MYO7B: variants seen among roughly 807,000 people sequenced by gnomAD.
The protein encoded by MYO7B is myosin VIIB, also known as unconventional myosin-VIIb.
A neutral mutation model predicts 259.7 loss-of-function variants in MYO7B; 212 were observed. The observed-to-expected ratio is 0.82, with a 90% CI of 0.73 to 0.91. The LOEUF (loss-of-function observed/expected upper bound fraction) is 0.91. Among genes scored for constraint, MYO7B ranks in the 40% least tolerant of loss-of-function variants. The pLI is 0.00. For missense variants in MYO7B, 2,732 were observed against 2,813.5 expected (o/e 0.97, Z 0.66); for synonymous variants, 1,197 against 1,166.4 (o/e 1.03, Z -0.54).
At position 127,636,422 on chromosome 2, in the gene MYO7B, G is replaced by A; in HGVS notation, c.6123+98G>A. 4 of 1,442,922 alleles carry A rather than the reference G, an allele frequency of 2.8e-6. No homozygotes were observed. Among genetic ancestry groups the A allele is most frequent in the Non-Finnish European group, 3.9e-6 (4 of 1,035,678 alleles). 89.4% of individuals were successfully genotyped at this position (1,442,922 alleles called of 1,614,324 possible). On this transcript the variant is annotated intron_variant, in intron 45 of 47. Coordinates refer to ENST00000409816, the MANE Select transcript of MYO7B (RefSeq NM_001393586.1). This position sits in a 1 kb window ranked among gnomAD's most constrained non-coding sequence, Gnocchi z 4.5. ...TCAACCAGCACACATCTTGGGTGGG[G>A]CTGGCCGTGAGGCTGGAGGGCGTGG... is the stretch of plus-strand genomic sequence containing the variant.
intron 35 of MYO7B, among the ~76,000 whole-genome samples, 200 bp from the exon 36 acceptor site, chr2:127,630,578 G>T (rs1258405258): frequency 2.0e-5 from 3 of 152,164 alleles, no homozygotes; most frequent in African/African-American, 4.8e-5. Context: ...CCCTCCCAAG[G>T]GAAAGGAGAC....
rs765479123 is a variant in MYO7B, at chr2:127,631,760, T to G, written c.5249+7T>G. ...TGACGCACAACTCCAACAGGTCTGCTGGGGCGGCGGCCAGCCCACGCGGGC... is the reference window on the plus strand; with the variant it reads ...TGACGCACAACTCCAACAGGTCTGCGGGGGCGGCGGCCAGCCCACGCGGGC... On this transcript the variant is annotated splice_region_variant and intron_variant, in intron 38 of 47. Transcript: ENST00000409816. The G allele has an allele frequency of 6.2e-7, 1 of 1,611,454 alleles. No homozygotes were observed. The highest frequency in any genetic ancestry group is 8.5e-7 in the Non-Finnish European group (1 of 1,179,220).
intron 4 of MYO7B, among the ~76,000 whole-genome samples, chr2:127,565,693 G>A (rs954980905): frequency 6.6e-6 from 1 of 152,254 alleles, no homozygotes; most frequent in Non-Finnish European, 1.5e-5. Flanking sequence ...CAGGCATGTT[G>A]TAGAGACAGA....
At chr2:127,553,460 T>C (rs757999393) in intron 1 of MYO7B, among the ~76,000 whole-genome samples, 4 of 152,252 alleles carry the variant, frequency 2.6e-5, no homozygotes, top group Admixed American at 1.3e-4. Flanking sequence ...GTTTTCCTTG[T>C]AGAGGGCTTT....
chr2:127,589,759 T>C (rs1436273600), intron 15 of MYO7B, among the ~76,000 whole-genome samples: 2 of 70,100 alleles, frequency 2.9e-5, no homozygotes, highest in Non-Finnish European at 5.5e-5. Context: ...GAAGGATGGA[T>C]GGGTGGGTGG....
In MYO7B at chr2:127,609,743, A is replaced by G. The variant is rs1680303914; in HGVS notation, c.3024+28A>G. On this transcript the variant is annotated intron_variant, in intron 23 of 47. Transcript: ENST00000409816. The surrounding 1 kb of genome is among the most constrained non-coding windows in gnomAD (Gnocchi z 6.9). Reference sequence around the variant, plus strand: ...ACCAGGGTTCACTGGCTTCTAGTGGATCAGGCCAGCCCCGAGCCTGGGGTG... The same window carrying G: ...ACCAGGGTTCACTGGCTTCTAGTGGGTCAGGCCAGCCCCGAGCCTGGGGTG... The G allele has an allele frequency of 8.1e-6, 13 of 1,613,574 alleles. No homozygotes were observed. The highest frequency in any genetic ancestry group is 1.1e-5 in the Non-Finnish European group (13 of 1,179,702).
Position 127,576,953 on chromosome 2 carries a change from C to T in MYO7B, c.849+245C>T, listed in dbSNP as rs908909859. On this transcript the variant is annotated intron_variant, in intron 8 of 47. Coordinates refer to ENST00000409816, the MANE Select transcript of MYO7B (RefSeq NM_001393586.1). This position sits in a 1 kb window ranked among gnomAD's most constrained non-coding sequence, Gnocchi z 4.9. ...CTGGACCCGGGGCCTCCCCGCAGAC[C>T]TCATCTTCCTTTGGTCCCCACTGGA... Among the ~76,000 whole-genome samples the T allele has an allele frequency of 1.3e-5, 2 of 152,134 alleles. No homozygotes were observed. The highest frequency in any genetic ancestry group is 2.1e-4 in the South Asian group (1 of 4,824).
chr2:127,594,900 T>C lies in MYO7B; in HGVS notation c.2244+1256T>C, dbSNP rs193208822. Among the ~76,000 whole-genome samples the C allele has an allele frequency of 1.2e-3, 181 of 152,348 alleles. 1 individual carries two copies. Among genetic ancestry groups the C allele is most frequent in the African/African-American group, 4.0e-3 (168 of 41,582 alleles). ...CAGTATTTTATTCAGAATTTTTGCA[T>C]CGATGTTCATCAGGAATATTGGCCT... On this transcript the variant is annotated intron_variant, in intron 18 of 47. Transcript: ENST00000409816.
chr2:127,623,104 C>T lies in MYO7B; in HGVS notation c.3646-98C>T, dbSNP rs573421622. ...GGAACCCACGGGATGGCAAGCAGGG[C>T]CCATGGGCTGGGGAGAGGAGGGAGG... On this transcript the variant is annotated intron_variant, in intron 28 of 47. Coordinates refer to ENST00000409816, the MANE Select transcript of MYO7B (RefSeq NM_001393586.1). 535 of 1,416,884 alleles carry T rather than the reference C, an allele frequency of 3.8e-4. 3 individuals are homozygous for T. In the African/African-American group the frequency reaches 6.5e-3, roughly 17 times the overall value. The allele number at this position is 1,416,884 out of a possible 1,614,324, so 87.8% of individuals were successfully genotyped here. A position where few individuals can be genotyped will look rare whatever the true frequency, so the allele number is the denominator to read the frequency against.
chr2:127,635,915 G>T lies in MYO7B; in HGVS notation c.6006+8G>T, dbSNP rs1295610753. 1.3e-6 allele frequency: 2 copies of T among 1,560,718 alleles called. No individual in the cohort carries two copies. Among genetic ancestry groups the T allele is most frequent in the South Asian group, 2.4e-5 (2 of 84,570 alleles). ...TCGGAGGAGTGGAAAAAGGTCCCTG[G>T]TCGGGCTGGGGAAGGGTTCTTGTGC... On this transcript the variant is annotated splice_region_variant and intron_variant, in intron 44 of 47. Transcript: ENST00000409816.
At chr2:127,541,255 A>C (rs960149658) in intron 1 of MYO7B, among the ~76,000 whole-genome samples, 2 of 151,816 alleles carry the variant, frequency 1.3e-5, no homozygotes, top group African/African-American at 4.8e-5. Context: ...GGGCTTCTCC[A>C]GGGCTGTCCC....
At chr2:127,620,209 G>A (rs1680773139) in intron 26 of MYO7B, 131 bp from the exon 27 acceptor site, 1 of 1,094,950 alleles carries the variant, frequency 9.1e-7, no homozygotes, top group Non-Finnish European at 1.3e-6. Flanking sequence ...GCTGGGCAGG[G>A]CCCCGGCGCT....
At chr2:127,631,815 C>T in intron 38 of MYO7B, 62 bp downstream of exon 38, 1 of 1,570,250 alleles carries the variant, frequency 6.4e-7, no homozygotes. Context: ...GCCCCTGAGG[C>T]CAGACCGAGG....
rs370073682 is a variant in MYO7B at position 127,608,729 on chromosome 2, G to A, written c.2665G>A (p.Glu889Lys). The change falls in exon 22 of 48, where the codon GAG becomes AAG. Residue 889 changes from glutamate (E) to lysine (K), a missense_variant. Physicochemically the swap from Glu to Lys is moderately conservative, Grantham distance 56 (BLOSUM62 1). Transcript: ENST00000409816. ...GCAGGCGCCGCTGGTCATCCCGGCC[G>A]AGGGGCAGAAAAGCCAAGGCGCTCT... ...KANAPLVIPA[E>K]GQKSQGALPA... 25 of 1,612,402 alleles carry A rather than the reference G, an allele frequency of 1.6e-5. No homozygotes were observed. Among genetic ancestry groups the A allele is most frequent in the African/African-American group, 1.2e-4 (9 of 74,912 alleles).
intron 14 of MYO7B, among the ~76,000 whole-genome samples, chr2:127,587,603 G>T (rs188296278): frequency 2.1e-3 from 257 of 121,848 alleles, no homozygotes; most frequent in Non-Finnish European, 1.5e-3. Flanking sequence ...GAGTCTCACT[G>T]TGTCACCCAA....
intron 19 of MYO7B, among the ~76,000 whole-genome samples, chr2:127,603,596 T>C (rs1680043432): frequency 6.6e-6 from 1 of 152,220 alleles, no homozygotes; most frequent in African/African-American, 2.4e-5. Flanking sequence ...ACCCAGGCTT[T>C]GTTGTTTCAT....
At chr2:127,599,367 T>C (rs1224864085) in intron 19 of MYO7B, among the ~76,000 whole-genome samples, 2 of 152,240 alleles carry the variant, frequency 1.3e-5, no homozygotes, top group East Asian at 1.9e-4. Context: ...AATAGAAATA[T>C]GTTGGATTTT....
At chr2:127,582,726 A>G (rs1679154252) in intron 12 of MYO7B, among the ~76,000 whole-genome samples, 1 of 131,850 alleles carries the variant, frequency 7.6e-6, no homozygotes, top group Admixed American at 7.3e-5. Context: ...TTATCACACG[A>G]GGTCAGGGTT....
At position 127,636,024 on chromosome 2, in the gene MYO7B, G is replaced by A; in HGVS notation, c.6006+117G>A. On this transcript the variant is annotated intron_variant, in intron 44 of 47. Coordinates refer to ENST00000409816, the MANE Select transcript of MYO7B (RefSeq NM_001393586.1). This position sits in a 1 kb window ranked among gnomAD's most constrained non-coding sequence, Gnocchi z 4.5. ...CATGGGTGCACATGGGTGGTGTGGA[G>A]GGTGGGCTGGCTCTGCACACACCAC... 1 of 1,335,236 alleles carries A rather than the reference G, an allele frequency of 7.5e-7. No individual in the cohort carries two copies. Among genetic ancestry groups the A allele is most frequent in the Non-Finnish European group, 1.0e-6 (1 of 978,834 alleles). 82.7% of individuals were successfully genotyped at this position (1,335,236 alleles called of 1,614,324 possible).
Sources: allele counts gnomAD v4.1 joint callset (sites outside exome capture counted in the v4.1 genomes callset), GRCh38; gene constraint gnomAD v4.1.1; non-coding constraint Gnocchi (gnomAD v3.1); transcripts MANE v1.5; gene names NCBI Gene and HGNC (gene_info 2026-07-23, HGNC 2026-07-21).